ZNF804A: variants seen among roughly 807,000 people sequenced by gnomAD.
The protein encoded by ZNF804A is zinc finger protein 804A.
A neutral mutation model predicts 16.5 loss-of-function variants in ZNF804A; 2 were observed. The ratio of observed to expected loss-of-function variants is 0.12; its 90% CI spans 0.05 to 0.38. ZNF804A has a LOEUF of 0.38. Among genes scored for constraint, ZNF804A ranks in the 10% least tolerant of loss-of-function variants. The probability of loss-of-function intolerance (pLI) is 0.99; values close to 1 mark genes in which losing one functional copy is unlikely to be tolerated. For missense variants in ZNF804A, 1,473 were observed against 1,390.7 expected (o/e 1.06, Z -0.94); for synonymous variants, 534 against 489.6 (o/e 1.09, Z -1.20).
At chr2:184,791,528 TAAC>T (rs1558962614) in intron 1 of ZNF804A, among the ~76,000 whole-genome samples, 1 of 152,108 alleles carries the variant, frequency 6.6e-6, no homozygotes, top group Non-Finnish European at 1.5e-5. Flanking sequence ...TTTTTATTTT[TAAC>T]AGACTTTATT....
chr2:184,939,046 A>G lies in ZNF804A; in HGVS notation c.*20A>G. 1 of 1,606,342 alleles carries G rather than the reference A, an allele frequency of 6.2e-7. No individual in the cohort carries two copies. The highest frequency in any genetic ancestry group is 8.5e-7 in the Non-Finnish European group (1 of 1,174,554). The stretch of plus-strand genomic sequence containing the variant: ...TTCTAGTCATCACCATAATGGGAAA[A>G]AAATACTCTTGTGAAAACTATTGCT... On this transcript the variant is annotated 3_prime_UTR_variant, in exon 4 of 4. Transcript: ENST00000302277.
At chr2:184,861,149 G>C (rs974906505) in intron 1 of ZNF804A, among the ~76,000 whole-genome samples, 2 of 152,174 alleles carry the variant, frequency 1.3e-5, no homozygotes, top group African/African-American at 2.4e-5. Context: ...TAGTTTTTTG[G>C]GGGGACAGGA....
chr2:184,890,518 G>C (rs1684964686), intron 2 of ZNF804A, among the ~76,000 whole-genome samples: 1 of 152,022 alleles, frequency 6.6e-6, no homozygotes. Flanking sequence ...GAGAAGCAAA[G>C]AGAAAATGAA....
chr2:184,656,928 C>T lies in ZNF804A; in HGVS notation c.111+57858C>T, dbSNP rs551548863. Among the ~76,000 whole-genome samples the T allele has an allele frequency of 3.9e-5, 6 of 152,122 alleles. No individual in the cohort carries two copies. In the East Asian group the frequency reaches 1.2e-3, roughly 29 times the overall value. ...CAAAATGTTCTGCCAGGTAATGTAT[C>T]TGAGGTAAAGGGTAATTTTTTCATT... is the stretch of plus-strand genomic sequence containing the variant. On this transcript the variant is annotated intron_variant, in intron 1 of 3. Transcript: ENST00000302277.
rs557270587 is a variant in ZNF804A, at chr2:184,910,851, G to C, written c.256-22752G>C. Among the ~76,000 whole-genome samples, 13 of 152,040 alleles carry C rather than the reference G, an allele frequency of 8.6e-5. 1 individual carries two copies. Among genetic ancestry groups the C allele is most frequent in the African/African-American group, 3.1e-4 (13 of 41,512 alleles). ...GCTTTTTGCTTGTTCAGGTGTTCAA[G>C]TTCCTAATAGATTCATGATATTAGA... On this transcript the variant is annotated intron_variant, in intron 2 of 3. Transcript: ENST00000302277.
intron 1 of ZNF804A, among the ~76,000 whole-genome samples, chr2:184,716,663 A>C (rs1693218544): frequency 1.3e-5 from 2 of 152,096 alleles, no homozygotes; most frequent in Admixed American, 6.6e-5. Flanking sequence ...ACATGGAGTG[A>C]ATAACTTTTA....
chr2:184,831,668 T>C (rs1044626188), intron 1 of ZNF804A, among the ~76,000 whole-genome samples: 2 of 151,714 alleles, frequency 1.3e-5, no homozygotes, highest in Non-Finnish European at 2.9e-5. Context: ...ATTTAAATAG[T>C]CTCTAGTTGA....
chr2:184,665,309 T>C (rs1333042346), intron 1 of ZNF804A, among the ~76,000 whole-genome samples: 4 of 152,214 alleles, frequency 2.6e-5, no homozygotes, highest in African/African-American at 7.2e-5. Flanking sequence ...CCCATGGATA[T>C]GCCATAATAT....
At chr2:184,808,842 A>T (rs1303607628) in intron 1 of ZNF804A, among the ~76,000 whole-genome samples, 1 of 151,840 alleles carries the variant, frequency 6.6e-6, no homozygotes, top group Non-Finnish European at 1.5e-5. Flanking sequence ...TTAATTTTCT[A>T]CATTTAGTAT....
intron 2 of ZNF804A, among the ~76,000 whole-genome samples, chr2:184,904,361 C>T (rs1685235059): frequency 6.6e-6 from 1 of 152,004 alleles, no homozygotes; most frequent in South Asian, 2.1e-4. Flanking sequence ...GGGCTCTGAA[C>T]AAAGCTTTGT....
intron 1 of ZNF804A, among the ~76,000 whole-genome samples, chr2:184,651,918 G>A (rs1421891576): frequency 2.0e-5 from 3 of 152,046 alleles, no homozygotes; most frequent in Non-Finnish European, 4.4e-5. Context: ...GCTACGGTTC[G>A]ACTCAGCAAT....
At chr2:184,742,394 A>C (rs1297028955) in intron 1 of ZNF804A, among the ~76,000 whole-genome samples, 1 of 152,060 alleles carries the variant, frequency 6.6e-6, no homozygotes, top group African/African-American at 2.4e-5. Flanking sequence ...AGACGAAAGT[A>C]CCTGACAGCT....
Position 184,938,527 on chromosome 2 carries a change from T to A in ZNF804A, c.3131T>A (p.Phe1044Tyr). 1.2e-6 allele frequency: 2 copies of A among 1,614,052 alleles called. No homozygotes were observed. The highest frequency in any genetic ancestry group is 3.3e-5 in the Admixed American group (2 of 59,988). The stretch of plus-strand genomic sequence containing the variant: ...ATCCCACTAGAAAACCATGACAAAT[T>A]CAAAAATGTACCATGTGAGGTCTAC... ...LLIPLENHDK[F>Y]KNVPCEVYQH... is the part of the protein sequence containing the mutation. Residue 1044 changes from phenylalanine (F) to tyrosine (Y), a missense_variant, in exon 4 of 4, where the codon TTC becomes TAC. By Grantham distance (22) the Phe-to-Tyr change is conservative. Coordinates refer to ENST00000302277, the MANE Select transcript of ZNF804A (RefSeq NM_194250.2).
intron 2 of ZNF804A, among the ~76,000 whole-genome samples, chr2:184,894,809 C>T (rs1233638882): frequency 6.6e-6 from 1 of 152,048 alleles, no homozygotes; most frequent in Non-Finnish European, 1.5e-5. Context: ...CCTCAGCCTC[C>T]GGAGTAGCTG....
chr2:184,814,844 A>G (rs1308445191), intron 1 of ZNF804A, among the ~76,000 whole-genome samples: 1 of 152,034 alleles, frequency 6.6e-6, no homozygotes, highest in Non-Finnish European at 1.5e-5. Context: ...AGTTTTAAGC[A>G]TTTCCTTTGT....
chr2:184,766,285 A>T (rs1694125940), intron 1 of ZNF804A, among the ~76,000 whole-genome samples: 1 of 152,126 alleles, frequency 6.6e-6, no homozygotes, highest in Non-Finnish European at 1.5e-5. Context: ...TTTGAATCTT[A>T]ATAGATAAGA....
At chr2:184,728,413 G>A (rs1693458192) in intron 1 of ZNF804A, among the ~76,000 whole-genome samples, 1 of 151,856 alleles carries the variant, frequency 6.6e-6, no homozygotes, top group Admixed American at 6.6e-5. Flanking sequence ...ATCATTAAAT[G>A]ATGGAGATAA....
chr2:184,600,811 G>C (rs1057267300), intron 1 of ZNF804A, among the ~76,000 whole-genome samples: 23 of 152,150 alleles, frequency 1.5e-4, no homozygotes, highest in African/African-American at 5.5e-4. Flanking sequence ...TGATGTGTTT[G>C]TTGTGTGTTT....
At chr2:184,775,578 G>A (rs1230969923) in intron 1 of ZNF804A, among the ~76,000 whole-genome samples, 1 of 151,642 alleles carries the variant, frequency 6.6e-6, no homozygotes, top group Non-Finnish European at 1.5e-5. Flanking sequence ...TTTGGTAAAT[G>A]CTTTTACAAG....
Sources: allele counts gnomAD v4.1 joint callset (sites outside exome capture counted in the v4.1 genomes callset), GRCh38; gene constraint gnomAD v4.1.1; transcripts MANE v1.5; gene names NCBI Gene and HGNC (gene_info 2026-07-23, HGNC 2026-07-21).